Variants in SKI observed in about 807,000 individuals in gnomAD.
SKI encodes SKI proto-oncogene, also known as ski oncogene.
SKI carries 23 observed loss-of-function variants against 59.3 expected under a neutral mutation model. The observed-to-expected ratio is 0.39, with a 90% CI of 0.28 to 0.55. The LOEUF (loss-of-function observed/expected upper bound fraction) is 0.55. SKI is among the 20% of genes least tolerant of loss of function. The pLI is 0.67. For missense variants in SKI, 1,017 were observed against 1,038.9 expected (o/e 0.98, Z 0.29); for synonymous variants, 673 against 488.6 (o/e 1.38, Z -4.98).
intron 1 of SKI, among the ~76,000 whole-genome samples, chr1:2,275,170 C>T (rs969671187): frequency 2.6e-5 from 4 of 152,340 alleles, no homozygotes; most frequent in South Asian, 2.1e-4. Flanking sequence ...CTTGGGGGCC[C>T]GGTGGAGATG....
chr1:2,235,263 C>T (rs987558160), intron 1 of SKI, among the ~76,000 whole-genome samples: 10 of 152,096 alleles, frequency 6.6e-5, no homozygotes, highest in Non-Finnish European at 1.0e-4. Context: ...AGCCTGGTCT[C>T]GAACTCCTGA....
intron 1 of SKI, among the ~76,000 whole-genome samples, chr1:2,297,960 A>C (rs1329440207): frequency 6.6e-6 from 1 of 152,198 alleles, no homozygotes; most frequent in Non-Finnish European, 1.5e-5. Flanking sequence ...GCTGTGTGGC[A>C]GGCCTTGGGG....
intron 1 of SKI, among the ~76,000 whole-genome samples, chr1:2,273,014 G>A (rs2100857561): frequency 6.6e-6 from 1 of 152,380 alleles, no homozygotes. Context: ...GGAAACACAG[G>A]CTGTACCCCG....
At chr1:2,292,354 A>G (rs1216781908) in intron 1 of SKI, among the ~76,000 whole-genome samples, 3 of 152,148 alleles carry the variant, frequency 2.0e-5, no homozygotes, top group African/African-American at 7.2e-5. Flanking sequence ...GCTGCATGGT[A>G]GGGTGACCGC....
Position 2,304,105 on chromosome 1 carries a change from A to G in SKI, c.1474+3A>G. 1 of 1,612,318 alleles carries G rather than the reference A, an allele frequency of 6.2e-7. No individual in the cohort carries two copies. Among genetic ancestry groups the G allele is most frequent in the Non-Finnish European group, 8.5e-7 (1 of 1,179,766 alleles). ...GGAAGTTGAAAGCAGGGAGGAATGT[A>G]CGTGTGAGTCGCTTTCTGTGCCTCC... On this transcript the variant is annotated splice_donor_region_variant and intron_variant, in intron 4 of 6. Transcript: ENST00000378536.
chr1:2,284,422 A>G (rs1478232808), intron 1 of SKI, among the ~76,000 whole-genome samples: 1 of 152,172 alleles, frequency 6.6e-6, no homozygotes, highest in Non-Finnish European at 1.5e-5. Context: ...TGTAACAGTT[A>G]TCTCATGGAA....
chr1:2,279,672 C>G (rs1402999186), intron 1 of SKI, among the ~76,000 whole-genome samples: 1 of 151,940 alleles, frequency 6.6e-6, no homozygotes, highest in Non-Finnish European at 1.5e-5. Context: ...CACCCAGGCA[C>G]TGGGCGTGGC....
Position 2,303,326 on chromosome 1 carries a change from C to T in SKI, c.1137C>T (p.Phe379=). The change falls in exon 3 of 7, where the codon TTC becomes TTT. Residue 379 remains phenylalanine, a synonymous_variant. Transcript: ENST00000378536. This position sits in a 1 kb window ranked among gnomAD's most constrained non-coding sequence, Gnocchi z 5.6. ...ACCCTCGCCAGCGCCTCTCTGCTTT[C>T]CGACCCTGGTCCCCCGCAGTGTCAG... ...CVHPRQRLSA[F]RPWSPAVSAS... 1 of 1,613,916 alleles carries T rather than the reference C, an allele frequency of 6.2e-7. No homozygotes were observed. The highest frequency in any genetic ancestry group is 8.5e-7 in the Non-Finnish European group (1 of 1,180,042).
rs1371423070 is a variant in SKI at position 2,309,311 on chromosome 1, CTCATTA to C, written c.*2548_*2553del. The C allele has an allele frequency of 6.6e-6, 1 of 152,160 alleles. No individual in the cohort carries two copies. Among genetic ancestry groups the C allele is most frequent in the Non-Finnish European group, 1.5e-5 (1 of 68,048 alleles). The allele number at this position is 152,160 out of a possible 1,614,324, so 9.4% of individuals were successfully genotyped here. ...AAGTGATTGTGTATTCAGTTTAATT[CTCATTA>C]TATTTCTATACTGAAAGAAGATTTT... On this transcript the variant is annotated 3_prime_UTR_variant, in exon 7 of 7. Transcript: ENST00000378536.
At chr1:2,275,268 C>G (rs1446273288) in intron 1 of SKI, among the ~76,000 whole-genome samples, 1 of 152,242 alleles carries the variant, frequency 6.6e-6, no homozygotes, top group Non-Finnish European at 1.5e-5. Flanking sequence ...CGGCTCCGCT[C>G]AGGCGCCACG....
chr1:2,229,255 C>A lies in SKI; in HGVS notation c.489C>A (p.Val163=). ...CCGACCAGCTGGAGATCCTCAAAGT[C>A]ATGGGCATCCTGCCCTTCTCGGCGC... ...CTADQLEILK[V]MGILPFSAPS... is the part of the protein sequence containing the mutation. The change falls in exon 1 of 7, where the codon GTC becomes GTA. Residue 163 remains valine, a synonymous_variant. Transcript: ENST00000378536. The surrounding 1 kb of genome is among the most constrained non-coding windows in gnomAD (Gnocchi z 6.3). The A allele has an allele frequency of 6.2e-7, 1 of 1,601,682 alleles. No individual in the cohort carries two copies. Among genetic ancestry groups the A allele is most frequent in the South Asian group, 1.1e-5 (1 of 89,590 alleles).
At chr1:2,265,119 CCTTT>C (rs894998002) in intron 1 of SKI, among the ~76,000 whole-genome samples, 5 of 152,244 alleles carry the variant, frequency 3.3e-5, no homozygotes, top group African/African-American at 9.6e-5. Flanking sequence ...GCTGGACATG[CCTTT>C]CTTTAAGATT....
intron 1 of SKI, among the ~76,000 whole-genome samples, chr1:2,284,057 A>G (rs745584797): frequency 2.6e-5 from 4 of 152,080 alleles, no homozygotes; most frequent in East Asian, 3.9e-4. Flanking sequence ...CAACTCATGG[A>G]GACCCTGTCC....
chr1:2,256,906 C>T (rs146301460), intron 1 of SKI, among the ~76,000 whole-genome samples: 293 of 152,316 alleles, frequency 1.9e-3, no homozygotes, highest in Non-Finnish European at 3.1e-3. Context: ...TGCCAGGAGG[C>T]TCGCGCCCCG....
At chr1:2,282,997 G>A (rs971295685) in intron 1 of SKI, among the ~76,000 whole-genome samples, 3 of 152,204 alleles carry the variant, frequency 2.0e-5, no homozygotes, top group Non-Finnish European at 4.4e-5. Flanking sequence ...GGAGACGGGA[G>A]CCAGTCTCGG....
At chr1:2,296,162 TGAGTTCAG>T (rs963089434) in intron 1 of SKI, among the ~76,000 whole-genome samples, 8 of 150,846 alleles carry the variant, frequency 5.3e-5, no homozygotes, top group African/African-American at 7.3e-5. Flanking sequence ...GCAGATTGCA[TGAGTTCAG>T]GAGTTCAGGA....
At chr1:2,247,428 C>T (rs1411883096) in intron 1 of SKI, among the ~76,000 whole-genome samples, 2 of 152,168 alleles carry the variant, frequency 1.3e-5, no homozygotes, top group Non-Finnish European at 2.9e-5. Flanking sequence ...GAAGTTATAT[C>T]CTGCCAGATC....
chr1:2,280,626 G>A (rs1432809975), intron 1 of SKI, among the ~76,000 whole-genome samples: 3 of 144,336 alleles, frequency 2.1e-5, no homozygotes, highest in African/African-American at 7.7e-5. Flanking sequence ...GAAGACAGGC[G>A]GCGGCGGCGA....
chr1:2,240,001 C>T (rs1266340593), intron 1 of SKI, among the ~76,000 whole-genome samples: 3 of 151,958 alleles, frequency 2.0e-5, no homozygotes, highest in Non-Finnish European at 4.4e-5. Context: ...TTAATTTTCC[C>T]AGCTGAACGT....
Sources: gnomAD v4.1 joint callset for allele counts (sites outside exome capture counted in the v4.1 genomes callset) on GRCh38, gnomAD v4.1.1 for gene constraint, Gnocchi (gnomAD v3.1) non-coding constraint, MANE v1.5 for transcripts, NCBI Gene and HGNC (gene_info 2026-07-23, HGNC 2026-07-21) for gene names.